Variants in LRP1B observed in about 807,000 individuals in gnomAD.
LRP1B encodes the protein low-density lipoprotein receptor-related protein 1B.
A neutral mutation model predicts 556.6 loss-of-function variants in LRP1B; 217 were observed. The observed-to-expected ratio is 0.39, with a 90% CI of 0.35 to 0.44. The LOEUF is 0.44. LRP1B is among the 20% of genes least tolerant of loss of function. The pLI is 1.00. For missense variants in LRP1B, 5,053 were observed against 5,620.8 expected (o/e 0.90, Z 3.23); for synonymous variants, 2,047 against 1,865.8 (o/e 1.10, Z -2.50).
At chr2:141,518,868 T>G (rs1379727597) in intron 2 of LRP1B, among the ~76,000 whole-genome samples, 1 of 152,086 alleles carries the variant, frequency 6.6e-6, no homozygotes, top group East Asian at 1.9e-4. Flanking sequence ...GAGATTTGCT[T>G]GAACCTGGGA....
chr2:140,322,159 A>G, intron 81 of LRP1B, 71 bp from the exon 82 acceptor site: 2 of 1,392,758 alleles, frequency 1.4e-6, no homozygotes, highest in Non-Finnish European at 2.0e-6. Flanking sequence ...ATAAAATTAA[A>G]TAAGGCGAAA....
intron 80 of LRP1B, 67 bp downstream of exon 80, chr2:140,325,695 C>CATTTTTGTATTA: frequency 9.5e-7 from 1 of 1,058,056 alleles, no homozygotes; most frequent in Non-Finnish European, 1.4e-6. Context: ...TCCATACTTA[C>CATTTTTGTATTA]ATTTTTGTAT....
intron 41 of LRP1B, among the ~76,000 whole-genome samples, chr2:140,674,387 T>C (rs1254862679): frequency 2.0e-5 from 3 of 152,204 alleles, no homozygotes; most frequent in African/African-American, 7.2e-5. Context: ...AGGACATATT[T>C]GCTATCTATT....
At chr2:140,290,669 T>G (rs774676836) in intron 84 of LRP1B, among the ~76,000 whole-genome samples, 7 of 152,090 alleles carry the variant, frequency 4.6e-5, no homozygotes, top group Non-Finnish European at 8.8e-5. Context: ...TAAAAGTACT[T>G]TGGTCGCTTT....
chr2:141,540,639 T>C (rs910610286), intron 2 of LRP1B, among the ~76,000 whole-genome samples: 2 of 152,036 alleles, frequency 1.3e-5, no homozygotes, highest in African/African-American at 2.4e-5. Flanking sequence ...TAGTAGTAAT[T>C]TGGAATTTCT....
chr2:140,789,661 C>T (rs1241881941), intron 32 of LRP1B, among the ~76,000 whole-genome samples: 5 of 110,926 alleles, frequency 4.5e-5, no homozygotes, highest in East Asian at 2.8e-4. Context: ...GACGGAGTCT[C>T]GCTCTGTCGC....
At chr2:140,585,655 G>A (rs536664207) in intron 43 of LRP1B, among the ~76,000 whole-genome samples, 2 of 152,132 alleles carry the variant, frequency 1.3e-5, no homozygotes, top group South Asian at 2.1e-4. Flanking sequence ...CTGAAACAAT[G>A]TTATCTAACA....
chr2:140,514,822 A>C, intron 50 of LRP1B, 50 bp from the exon 51 acceptor site: 1 of 1,517,162 alleles, frequency 6.6e-7, no homozygotes, highest in Non-Finnish European at 8.9e-7. Context: ...ACCGTCTTAC[A>C]ACAGATCCGA....
intron 82 of LRP1B, among the ~76,000 whole-genome samples, chr2:140,316,069 T>C (rs1463787551): frequency 6.6e-6 from 1 of 152,152 alleles, no homozygotes; most frequent in Non-Finnish European, 1.5e-5. Context: ...GTATAATTTA[T>C]GATAAAGATA....
chr2:141,317,370 G>T (rs149471225), intron 3 of LRP1B, among the ~76,000 whole-genome samples: 1 of 152,110 alleles, frequency 6.6e-6, no homozygotes, highest in African/African-American at 2.4e-5. Flanking sequence ...TCCTTGGCTT[G>T]CAGATGGCTA....
chr2:141,950,586 T>C (rs766412236), intron 1 of LRP1B, among the ~76,000 whole-genome samples: 4 of 152,136 alleles, frequency 2.6e-5, no homozygotes, highest in Non-Finnish European at 5.9e-5. Flanking sequence ...GCAATGAGAA[T>C]GTCAATTTGA....
chr2:141,296,819 G>C (rs1686199772), intron 3 of LRP1B, among the ~76,000 whole-genome samples: 2 of 152,062 alleles, frequency 1.3e-5, no homozygotes, highest in Non-Finnish European at 2.9e-5. Context: ...CATTACCCAG[G>C]TACTGAGCAT....
intron 82 of LRP1B, 128 bp downstream of exon 82, chr2:140,321,835 T>G: frequency 1.2e-6 from 1 of 866,406 alleles, no homozygotes; most frequent in Non-Finnish European, 1.8e-6. Context: ...TACACAGGCA[T>G]TCAAGAACCA....
chr2:140,883,766 A>G (rs982371249), intron 25 of LRP1B, 51 bp downstream of exon 25: 3 of 1,488,496 alleles, frequency 2.0e-6, no homozygotes, highest in Admixed American at 1.9e-5. Flanking sequence ...TGTTAAATTG[A>G]AAGACTATTT....
At chr2:140,525,646 T>G (rs1295269701) in intron 49 of LRP1B, among the ~76,000 whole-genome samples, 198 bp downstream of exon 49, 1 of 151,992 alleles carries the variant, frequency 6.6e-6, no homozygotes, top group Non-Finnish European at 1.5e-5. Flanking sequence ...GATGGTTTCT[T>G]GAATATCATT....
At chr2:141,960,189 T>G (rs920219360) in intron 1 of LRP1B, among the ~76,000 whole-genome samples, 2 of 136,952 alleles carry the variant, frequency 1.5e-5, no homozygotes, top group Admixed American at 1.4e-4. Context: ...TTGGATAAGA[T>G]GTAATTTGGA....
intron 3 of LRP1B, among the ~76,000 whole-genome samples, chr2:141,274,732 T>G (rs1471238077): frequency 2.0e-5 from 3 of 152,202 alleles, no homozygotes; most frequent in Non-Finnish European, 2.9e-5. Flanking sequence ...AAGCCATTAT[T>G]TTTAAATCAC....
intron 3 of LRP1B, among the ~76,000 whole-genome samples, chr2:141,329,209 GA>G (rs1169507644): frequency 6.6e-6 from 1 of 151,834 alleles, no homozygotes; most frequent in Admixed American, 6.6e-5. Flanking sequence ...CCAACATGGT[GA>G]AACCCTGTCT....
chr2:140,609,555 T>C (rs150929951), intron 41 of LRP1B, among the ~76,000 whole-genome samples: 5 of 152,318 alleles, frequency 3.3e-5, no homozygotes, highest in Admixed American at 2.6e-4. Flanking sequence ...TTCACCCCAA[T>C]CTTAATTATC....
Sources: gnomAD v4.1 joint callset for allele counts (sites outside exome capture counted in the v4.1 genomes callset) on GRCh38, gnomAD v4.1.1 for gene constraint, MANE v1.5 for transcripts, NCBI Gene and HGNC (gene_info 2026-07-23, HGNC 2026-07-21) for gene names.